Variants in NFRKB observed in about 807,000 individuals in gnomAD.
The protein encoded by NFRKB is nuclear factor related to kappaB binding protein.
A neutral mutation model predicts 135.7 loss-of-function variants in NFRKB; 62 were observed. The observed-to-expected ratio is 0.46, with a 90% confidence interval of 0.37 to 0.56. NFRKB has a LOEUF of 0.56. Among genes scored for constraint, NFRKB ranks in the 20% least tolerant of loss-of-function variants. NFRKB has a pLI of 0.00. For synonymous variants in NFRKB, 678 were observed against 635.6 expected, an observed-to-expected ratio of 1.07 and a Z score of -1.00; for missense variants, 1,545 against 1,662.0, an observed-to-expected ratio of 0.93 and a Z score of 1.22.
intron 3 of NFRKB, among the ~76,000 whole-genome samples, chr11:129,889,570 C>T (rs745867251): frequency 2.0e-5 from 3 of 151,038 alleles, no homozygotes; most frequent in Non-Finnish European, 4.4e-5. Flanking sequence ...ATACCTTCCA[C>T]GAGCAAAATA....
At position 129,870,271 on chromosome 11, in the gene NFRKB, G is replaced by GA. The variant is rs763912311; in HGVS notation, c.2764-11dup. 2 of 1,610,090 alleles carry GA rather than the reference G, an allele frequency of 1.2e-6. No homozygotes were observed. The highest frequency in any genetic ancestry group is 2.2e-5 in the South Asian group (2 of 90,794). ...GCCCAGTGATTGCCACCTGAATGGG[G>GA]AGAAGCAGCACTGATGAGGGATTCA... On this transcript the variant is annotated splice_polypyrimidine_tract_variant and intron_variant, in intron 23 of 26. Coordinates refer to ENST00000682444, the MANE Select transcript of NFRKB (RefSeq NM_001143835.2).
chr11:129,873,868 G>A lies in NFRKB; in HGVS notation c.2427C>T (p.Ala809=), dbSNP rs1007986862. Residue 809 remains alanine, a synonymous_variant, in exon 22 of 27, where the codon GCC becomes GCT. Transcript: ENST00000682444. The stretch of plus-strand genomic sequence containing the variant: ...GGGGAACAGCAGGAAGGCTAGGCTG[G>A]GCCACCACTCGCACCTGAGACAGTC... ...SAGLSQVRVV[A]QPSLPAVPQQ... 2.5e-6 allele frequency: 4 copies of A among 1,613,986 alleles called. No homozygotes were observed. The highest frequency in any genetic ancestry group is 2.7e-5 in the African/African-American group (2 of 74,922).
At chr11:129,875,189 C>G (rs1333934503) in intron 18 of NFRKB, among the ~76,000 whole-genome samples, 168 bp downstream of exon 18, 1 of 152,154 alleles carries the variant, frequency 6.6e-6, no homozygotes, top group East Asian at 1.9e-4. Flanking sequence ...AAGCCTAGAG[C>G]AAAATTTGTG....
rs760657778 is a variant in NFRKB at position 129,877,319 on chromosome 11, T to C, written c.1572+6A>G. 2.5e-6 allele frequency: 4 copies of C among 1,614,068 alleles called. No individual in the cohort carries two copies. Among genetic ancestry groups the C allele is most frequent in the Non-Finnish European group, 3.4e-6 (4 of 1,179,936 alleles). On this transcript the variant is annotated splice_donor_region_variant and intron_variant, in intron 16 of 26. Transcript: ENST00000682444. ...CAGAGACTTACACTGGCTTTTAGGT[T>C]CTTACCTGCTCCTGAAAAACCCGTT...
At chr11:129,886,191 G>C in intron 5 of NFRKB, 126 bp downstream of exon 5, 1 of 1,038,068 alleles carries the variant, frequency 9.6e-7, no homozygotes, top group Admixed American at 2.2e-5. Context: ...GCTTAACTGT[G>C]TCACAGATTA....
rs2135670124 is a variant in NFRKB, at chr11:129,886,378, T to C, written c.404A>G (p.Tyr135Cys). ...GAAATACTGCTGCTGGGAGTTGAGGTAGCGCTTGTACTGTGACTTGAAGCA... is the reference window on the plus strand; with the variant it reads ...GAAATACTGCTGCTGGGAGTTGAGGCAGCGCTTGTACTGTGACTTGAAGCA... ...QLCFKSQYKR[Y>C]LNSQQQYFHR... Residue 135 changes from tyrosine (Y) to cysteine (C), a missense_variant, in exon 5 of 27, where the codon TAC becomes TGC. Physicochemically the swap from Tyr to Cys is radical, Grantham distance 194. Coordinates refer to ENST00000682444, the MANE Select transcript of NFRKB (RefSeq NM_001143835.2). 1.2e-6 allele frequency: 2 copies of C among 1,614,120 alleles called. No individual in the cohort carries two copies. Among genetic ancestry groups the C allele is most frequent in the Non-Finnish European group, 8.5e-7 (1 of 1,180,020 alleles).
rs892377286 is a variant in NFRKB, at chr11:129,884,661, G to A, written c.742+84C>T. 4.8e-6 allele frequency: 7 copies of A among 1,471,778 alleles called. No individual in the cohort carries two copies. The African/African-American group carries it at 8.4e-5, about 18-fold the overall frequency. 91.2% of individuals were successfully genotyped at this position (1,471,778 alleles called of 1,614,324 possible). A position where few individuals can be genotyped will look rare whatever the true frequency, so the allele number is the denominator to read the frequency against. ...TTGTTTTCCTGGTAGGTAGGAATCTGCCCCCACCCACCTCCCTCTAAAGGA... is the reference window on the plus strand; with the variant it reads ...TTGTTTTCCTGGTAGGTAGGAATCTACCCCCACCCACCTCCCTCTAAAGGA... On this transcript the variant is annotated intron_variant, in intron 7 of 26. Coordinates refer to ENST00000682444, the MANE Select transcript of NFRKB (RefSeq NM_001143835.2).
chr11:129,888,499 G>A (rs780310304), intron 4 of NFRKB, 95 bp downstream of exon 4: 2 of 1,240,794 alleles, frequency 1.6e-6, no homozygotes, highest in African/African-American at 3.0e-5. Context: ...TGTACATGAA[G>A]ATAAAAAGAA....
At chr11:129,879,331 T>TTA (rs996713932) in intron 13 of NFRKB, among the ~76,000 whole-genome samples, 7 of 152,314 alleles carry the variant, frequency 4.6e-5, no homozygotes, top group African/African-American at 1.7e-4. Context: ...CAAACGCTTA[T>TTA]TATCTGGCCC....
intron 23 of NFRKB, 34 bp from the exon 24 acceptor site, chr11:129,870,295 C>A (rs1409807189): frequency 6.3e-7 from 1 of 1,587,068 alleles, no homozygotes; most frequent in Non-Finnish European, 8.6e-7. Flanking sequence ...ATGAGGGATT[C>A]ACAATAGTAA....
chr11:129,890,219 C>T (rs1339125525), intron 3 of NFRKB, among the ~76,000 whole-genome samples: 2 of 151,992 alleles, frequency 1.3e-5, no homozygotes, highest in Non-Finnish European at 2.9e-5. Context: ...GAAATCCAAC[C>T]ACCCACTCCA....
chr11:129,888,414 A>G, intron 4 of NFRKB, 180 bp downstream of exon 4: 1 of 708,182 alleles, frequency 1.4e-6, no homozygotes, highest in East Asian at 2.7e-5. Flanking sequence ...ATATAAGTCA[A>G]TACATTTTTG....
chr11:129,879,059 G>A (rs1948906198), intron 13 of NFRKB, among the ~76,000 whole-genome samples: 1 of 152,152 alleles, frequency 6.6e-6, no homozygotes, highest in African/African-American at 2.4e-5. Context: ...CGCCTAGAAA[G>A]AGATAAGCCC....
rs1462979087 is a variant in NFRKB at position 129,881,520 on chromosome 11, G to A, written c.1319-12C>T. On this transcript the variant is annotated splice_polypyrimidine_tract_variant and intron_variant, in intron 12 of 26. Coordinates refer to ENST00000682444, the MANE Select transcript of NFRKB (RefSeq NM_001143835.2). ...ACTGGAAGGAACAGCTGCAAGAAATGGACCACATAAACAAACCATACAGGT... is the reference window on the plus strand; with the variant it reads ...ACTGGAAGGAACAGCTGCAAGAAATAGACCACATAAACAAACCATACAGGT... 9.3e-6 allele frequency: 15 copies of A among 1,613,884 alleles called. No homozygotes were observed. In the Admixed American group the frequency reaches 2.2e-4, roughly 23 times the overall value.
rs370780105 is a variant in NFRKB, at chr11:129,873,075, C to T, written c.2572G>A (p.Val858Ile). 375 of 1,609,968 alleles carry T rather than the reference C, an allele frequency of 2.3e-4. No individual in the cohort carries two copies. The highest frequency in any genetic ancestry group is 4.9e-4 in the Middle Eastern group (3 of 6,062). ...GTGGCTGCCGTAGTCTGCGCTTTGA[C>T]GGGCACAGTGGCCATTACTGTCTAG... ...VPQTVMATVPVKAQTTAATVQ... is the reference protein window; with the variant it reads ...VPQTVMATVPIKAQTTAATVQ... Residue 858 changes from valine (V) to isoleucine (I), a missense_variant, in exon 23 of 27, where the codon GTC becomes ATC. Around this residue, in one of 3 missense-constraint regions of NFRKB, gnomAD observed 753 missense variants for 804.3 expected, o/e 0.94. Coordinates refer to ENST00000682444, the MANE Select transcript of NFRKB (RefSeq NM_001143835.2).
chr11:129,881,109 A>G lies in NFRKB; in HGVS notation c.1384+334T>C, dbSNP rs538105951. Among the ~76,000 whole-genome samples the G allele has an allele frequency of 2.6e-5, 4 of 152,340 alleles. No individual in the cohort carries two copies. The South Asian group carries it at 6.2e-4, about 24-fold the overall frequency. ...CCCATTTTTAGGAAAGAAAAAATTT[A>G]TATTACAAATTAATCCAAAGTCATC... On this transcript the variant is annotated intron_variant, in intron 13 of 26. Transcript: ENST00000682444.
intron 6 of NFRKB, 145 bp downstream of exon 6, chr11:129,885,290 T>C: frequency 1.1e-6 from 1 of 887,478 alleles, no homozygotes; most frequent in Non-Finnish European, 1.7e-6. Context: ...ACCAAGGCCT[T>C]CTGAGTCCCG....
intron 2 of NFRKB, chr11:129,893,926 C>T (rs1673356480): frequency 6.6e-6 from 1 of 152,216 alleles, no homozygotes; most frequent in East Asian, 1.9e-4. Flanking sequence ...ACTGATATGA[C>T]TTTATTAGTC....
intron 13 of NFRKB, among the ~76,000 whole-genome samples, chr11:129,880,825 A>G (rs1948992989): frequency 6.6e-6 from 1 of 152,208 alleles, no homozygotes; most frequent in South Asian, 2.1e-4. Context: ...CGAATGAATG[A>G]GTCTACCGTT....
Sources: allele counts gnomAD v4.1 joint callset (sites outside exome capture counted in the v4.1 genomes callset), GRCh38; gene constraint gnomAD v4.1.1; regional missense constraint gnomAD v4.1.1; transcripts MANE v1.5; gene names NCBI Gene and HGNC (gene_info 2026-07-23, HGNC 2026-07-21).